Variants in EPHA6 observed in about 807,000 individuals in gnomAD.
The protein encoded by EPHA6 is ephrin type-A receptor 6.
In EPHA6, 50 loss-of-function variants were observed where a neutral mutation model predicts 112.0. That is an observed-to-expected ratio of 0.45 (90% CI 0.36 to 0.56). The LOEUF (loss-of-function observed/expected upper bound fraction) is 0.56. Among genes scored for constraint, EPHA6 ranks in the 20% least tolerant of loss-of-function variants. The pLI is 0.00. For synonymous variants in EPHA6, 529 were observed against 490.7 expected (o/e 1.08, Z -1.03); for missense variants, 1,280 against 1,417.4 (o/e 0.90, Z 1.56).
At chr3:97,700,632 ACTAT>A (rs2033326252) in intron 14 of EPHA6, among the ~76,000 whole-genome samples, 1 of 152,202 alleles carries the variant, frequency 6.6e-6, no homozygotes, top group African/African-American at 2.4e-5. Context: ...CTAACAAAGA[ACTAT>A]CTCTTTTAAG....
At chr3:97,087,222 G>T (rs992584023) in intron 3 of EPHA6, among the ~76,000 whole-genome samples, 4 of 152,132 alleles carry the variant, frequency 2.6e-5, no homozygotes, top group Admixed American at 2.0e-4. Flanking sequence ...TCTGTGCATG[G>T]AGCCTCCTCT....
chr3:97,193,308 T>A (rs1273373148), intron 3 of EPHA6, among the ~76,000 whole-genome samples: 1 of 152,132 alleles, frequency 6.6e-6, no homozygotes, highest in East Asian at 1.9e-4. Context: ...ACCTCTTGAG[T>A]TTTTTTGCAT....
At chr3:96,852,690 C>T (rs1465689251) in intron 1 of EPHA6, among the ~76,000 whole-genome samples, 1 of 151,298 alleles carries the variant, frequency 6.6e-6, no homozygotes, top group Non-Finnish European at 1.5e-5. Context: ...ATTTGAGTGT[C>T]CCCTGCAGTT....
chr3:97,525,906 A>G (rs144249839), intron 10 of EPHA6, among the ~76,000 whole-genome samples: 7 of 152,250 alleles, frequency 4.6e-5, no homozygotes, highest in South Asian at 2.1e-4. Flanking sequence ...TCCACGTGCA[A>G]TGATGGATAT....
rs200886507 is a variant in EPHA6 at position 97,611,687 on chromosome 3, C to CT, written c.2574+834dup. 8.8e-3 allele frequency among the ~76,000 whole-genome samples: 1,339 copies of CT among 151,926 alleles called. 21 individuals are homozygous for CT. The highest frequency in any genetic ancestry group is 0.031 in the African/African-American group (1,277 of 41,490). ...TCTATCTATCTGTCTATCTGTCTAT[C>CT]TATCTATATATATATAACTATTTTT... On this transcript the variant is annotated intron_variant, in intron 13 of 17. Transcript: ENST00000389672.
intron 11 of EPHA6, among the ~76,000 whole-genome samples, chr3:97,565,477 T>C (rs1049595805): frequency 6.6e-6 from 1 of 152,174 alleles, no homozygotes. Context: ...TATCAAAATG[T>C]ACCTTGAGTG....
chr3:97,391,956 C>G (rs545412758), intron 5 of EPHA6, among the ~76,000 whole-genome samples: 2 of 151,836 alleles, frequency 1.3e-5, no homozygotes, highest in East Asian at 3.9e-4. Context: ...TTTCATGAGA[C>G]ATCCAGTAAG....
chr3:97,054,857 A>G (rs1036689626), intron 3 of EPHA6, among the ~76,000 whole-genome samples: 1 of 151,950 alleles, frequency 6.6e-6, no homozygotes, highest in Non-Finnish European at 1.5e-5. Context: ...TATCATGGGT[A>G]CTTTTTTTTT....
intron 1 of EPHA6, among the ~76,000 whole-genome samples, chr3:96,818,390 A>G (rs2032976038): frequency 1.3e-5 from 2 of 151,992 alleles, no homozygotes; most frequent in South Asian, 4.1e-4. Flanking sequence ...AAGTCAAAGT[A>G]TGGTATGGGT....
chr3:97,452,414 T>C (rs1176416360), intron 7 of EPHA6, among the ~76,000 whole-genome samples: 1 of 151,812 alleles, frequency 6.6e-6, no homozygotes, highest in African/African-American at 2.4e-5. Flanking sequence ...TCATATATAA[T>C]CAGAAAATTA....
chr3:97,377,860 AG>A (rs1409884862), intron 5 of EPHA6, among the ~76,000 whole-genome samples: 1 of 151,766 alleles, frequency 6.6e-6, no homozygotes, highest in African/African-American at 2.4e-5. Context: ...TGCTGTTAAA[AG>A]CACTCCACTT....
At chr3:97,222,689 C>T (rs1230901192) in intron 3 of EPHA6, among the ~76,000 whole-genome samples, 1 of 152,108 alleles carries the variant, frequency 6.6e-6, no homozygotes, top group Non-Finnish European at 1.5e-5. Context: ...ATTACCAGAC[C>T]ATGCATTAAG....
chr3:97,278,486 A>C (rs1472047695), intron 5 of EPHA6, among the ~76,000 whole-genome samples: 1 of 152,216 alleles, frequency 6.6e-6, no homozygotes, highest in African/African-American at 2.4e-5. Context: ...TCATCTAGCC[A>C]TAATGTGTCC....
chr3:97,499,977 T>C (rs1262334359), intron 10 of EPHA6, among the ~76,000 whole-genome samples: 1 of 152,168 alleles, frequency 6.6e-6, no homozygotes, highest in Non-Finnish European at 1.5e-5. Flanking sequence ...CTTTTTTAAC[T>C]TCTTGACTAT....
chr3:97,555,011 T>C (rs2093083303), intron 11 of EPHA6, among the ~76,000 whole-genome samples: 1 of 151,952 alleles, frequency 6.6e-6, no homozygotes, highest in South Asian at 2.1e-4. Flanking sequence ...ACATGTGCCA[T>C]GCTGGTGTGC....
chr3:96,914,041 C>T (rs982416804), intron 2 of EPHA6, among the ~76,000 whole-genome samples: 1 of 152,112 alleles, frequency 6.6e-6, no homozygotes, highest in African/African-American at 2.4e-5. Flanking sequence ...ATATGAATTT[C>T]TCTTATTACA....
intron 5 of EPHA6, among the ~76,000 whole-genome samples, chr3:97,325,747 A>T (rs143540760): frequency 0.017 from 2,510 of 152,118 alleles, 86 homozygotes; most frequent in African/African-American, 0.058. Context: ...TTTTCTTATA[A>T]TCTAAAATAA....
intron 1 of EPHA6, among the ~76,000 whole-genome samples, chr3:96,860,619 G>A (rs977197303): frequency 1.3e-5 from 2 of 152,162 alleles, no homozygotes; most frequent in East Asian, 3.9e-4. Flanking sequence ...AACTAGAAAG[G>A]CAAGACACAT....
chr3:97,648,141 A>G (rs2094080154), intron 14 of EPHA6: 1 of 433,678 alleles, frequency 2.3e-6, no homozygotes, highest in South Asian at 7.2e-5. Flanking sequence ...TGTGTTATCC[A>G]TGGCAAATTT....
Sources: gnomAD v4.1 joint callset for allele counts (sites outside exome capture counted in the v4.1 genomes callset) on GRCh38, gnomAD v4.1.1 for gene constraint, MANE v1.5 for transcripts, NCBI Gene and HGNC (gene_info 2026-07-23, HGNC 2026-07-21) for gene names.